SCAMP4: variants seen among roughly 807,000 people sequenced by gnomAD.
The protein encoded by SCAMP4 is secretory carrier-associated membrane protein 4.
Under a neutral mutation model 32.1 loss-of-function variants are expected in SCAMP4, and 19 were observed. The ratio of observed to expected loss-of-function variants is 0.59; its 90% CI spans 0.41 to 0.87. The LOEUF is 0.87. SCAMP4 is among the 40% of genes least tolerant of loss of function. SCAMP4 has a pLI of 0.00. For missense variants in SCAMP4, 302 were observed against 309.0 expected (o/e 0.98, Z 0.17); for synonymous variants, 152 against 132.7 (o/e 1.15, Z -1.00).
intron 5 of SCAMP4, chr19:1,920,477 C>A: frequency 1.4e-6 from 1 of 700,922 alleles, no homozygotes. Flanking sequence ...TCCAGGGTGG[C>A]TGGGATCTGT....
At chr19:1,922,671 T>C in intron 5 of SCAMP4, 1 of 989,134 alleles carries the variant, frequency 1.0e-6, no homozygotes. Context: ...GCTGGGTTCT[T>C]AGTAGCAGGC....
chr19:1,917,430 C>T (rs1395556550), intron 2 of SCAMP4, among the ~76,000 whole-genome samples: 11 of 152,206 alleles, frequency 7.2e-5, no homozygotes. Context: ...CTAGAGGCGC[C>T]CCCATCCCTC....
At chr19:1,919,118 G>A in intron 5 of SCAMP4, 128 bp downstream of exon 5, 1 of 1,497,938 alleles carries the variant, frequency 6.7e-7, no homozygotes, top group South Asian at 1.3e-5. Context: ...CTAGGGAGGG[G>A]TCTGAGCTCA....
rs763858621 is a variant in SCAMP4, at chr19:1,917,712, C to T, written c.26C>T (p.Pro9Leu). 7.4e-6 allele frequency: 12 copies of T among 1,614,004 alleles called. No homozygotes were observed. The highest frequency in any genetic ancestry group is 2.2e-5 in the South Asian group (2 of 91,076). MSEKENNF[P>L]PLPKFIPVKP... ...CCTACAGAAAAGGAGAACAACTTCCCGCCACTGCCCAAGTTCATCCCTGTG... is the reference window on the plus strand; with the variant it reads ...CCTACAGAAAAGGAGAACAACTTCCTGCCACTGCCCAAGTTCATCCCTGTG... The change falls in exon 3 of 7, where the codon CCG becomes CTG. Residue 9 changes from proline to leucine, a missense_variant. By Grantham distance (98) the Pro-to-Leu change is moderately conservative. Coordinates refer to ENST00000316097, the MANE Select transcript of SCAMP4 (RefSeq NM_079834.4).
intron 1 of SCAMP4, chr19:1,912,024 C>T: frequency 8.5e-6 from 12 of 1,417,352 alleles, no homozygotes; most frequent in East Asian, 2.7e-5. Flanking sequence ...CCCCGGCTCT[C>T]CCCCAGCCGC....
Position 1,924,466 on chromosome 19 carries a change from G to C in SCAMP4, c.*182G>C. 1.6e-6 allele frequency: 1 copy of C among 607,648 alleles called. No individual in the cohort carries two copies. Among genetic ancestry groups the C allele is most frequent in the South Asian group, 1.9e-5 (1 of 51,850 alleles). 37.6% of individuals were successfully genotyped at this position (607,648 alleles called of 1,614,324 possible). A position where few individuals can be genotyped will look rare whatever the true frequency, so the allele number is the denominator to read the frequency against. On this transcript the variant is annotated 3_prime_UTR_variant, in exon 7 of 7. Transcript: ENST00000316097. ...CACAGAACCCGTGTTCATCTCATCC[G>C]AGAGCGGAGTTCCTCACAAGCACTC... is the stretch of plus-strand genomic sequence containing the variant.
At chr19:1,913,439 CA>C in intron 1 of SCAMP4, 1 of 542,344 alleles carries the variant, frequency 1.8e-6, no homozygotes. Flanking sequence ...ATAAACAGCC[CA>C]AAACCAAGTG....
chr19:1,914,621 C>T (rs1208505830), intron 1 of SCAMP4: 1 of 345,968 alleles, frequency 2.9e-6, no homozygotes, highest in East Asian at 6.9e-5. Flanking sequence ...GCGATGGGGT[C>T]TTAGGCCCTG....
rs1216694932 is a variant in SCAMP4 at position 1,918,815 on chromosome 19, G to A, written c.294-74G>A. Reference sequence around the variant, plus strand: ...GCCTCCGCTCTCACCATCTCTGACTGGCCCGTTCCTCTCTAGGCGCGTCTG... The same window carrying A: ...GCCTCCGCTCTCACCATCTCTGACTAGCCCGTTCCTCTCTAGGCGCGTCTG... On this transcript the variant is annotated intron_variant, in intron 4 of 6. Coordinates refer to ENST00000316097, the MANE Select transcript of SCAMP4 (RefSeq NM_079834.4). The A allele has an allele frequency of 9.7e-6, 15 of 1,548,248 alleles. No individual in the cohort carries two copies. The East Asian group carries it at 2.9e-4, about 30-fold the overall frequency.
At chr19:1,911,640 G>C (rs1227518726) in intron 1 of SCAMP4, among the ~76,000 whole-genome samples, 1 of 152,124 alleles carries the variant, frequency 6.6e-6, no homozygotes, top group African/African-American at 2.4e-5. Context: ...AAAATTAGTC[G>C]GGCGTGGTGG....
intron 5 of SCAMP4, chr19:1,920,557 G>A (rs2013886946): frequency 1.1e-5 from 11 of 972,350 alleles, no homozygotes; most frequent in Non-Finnish European, 1.2e-5. Flanking sequence ...CCTGAGTGAC[G>A]TTGCCCCAGG....
intron 1 of SCAMP4, chr19:1,912,804 G>A (rs753780668): frequency 1.9e-6 from 3 of 1,578,578 alleles, no homozygotes; most frequent in South Asian, 2.2e-5. Context: ...GCGCGGCCAG[G>A]GCCGCGGCAC....
intron 5 of SCAMP4, chr19:1,922,398 C>A (rs1860085424): frequency 2.9e-6 from 2 of 686,606 alleles, no homozygotes; most frequent in Non-Finnish European, 3.6e-6. Flanking sequence ...TCATGCCTGG[C>A]TAATTTTTGT....
rs138152619 is a variant in SCAMP4 at position 1,924,839 on chromosome 19, G to A, written c.*555G>A. 2.3e-4 allele frequency: 39 copies of A among 171,418 alleles called. No homozygotes were observed. In the East Asian group the frequency reaches 4.8e-3, roughly 21 times the overall value. The allele number at this position is 171,418 out of a possible 1,614,324, so 10.6% of individuals were successfully genotyped here. ...GTCCTCGCTGTCCCCGCCATCCCCT[G>A]ATCTGTGCGGCTCCAGCCTCGCCCC... is the stretch of plus-strand genomic sequence containing the variant. On this transcript the variant is annotated 3_prime_UTR_variant, in exon 7 of 7. Transcript: ENST00000316097.
intron 2 of SCAMP4, among the ~76,000 whole-genome samples, chr19:1,915,873 G>C (rs898618161): frequency 6.6e-6 from 1 of 151,986 alleles, no homozygotes; most frequent in Non-Finnish European, 1.5e-5. Context: ...GTGAACCCGG[G>C]AGGCGGAGCT....
At chr19:1,910,575 CTTT>C (rs11350651) in intron 1 of SCAMP4, among the ~76,000 whole-genome samples, 18 of 95,072 alleles carry the variant, frequency 1.9e-4, no homozygotes, top group Admixed American at 2.2e-4. Context: ...TTTGAGGTGT[CTTT>C]TTTTTTTTTT....
intron 1 of SCAMP4, chr19:1,912,620 C>A: frequency 6.8e-7 from 1 of 1,464,742 alleles, no homozygotes; most frequent in Non-Finnish European, 9.0e-7. Flanking sequence ...CCATGCAGAG[C>A]CACATGGAGC....
chr19:1,911,648 T>C (rs766012643), intron 1 of SCAMP4, among the ~76,000 whole-genome samples: 36 of 152,106 alleles, frequency 2.4e-4, no homozygotes, highest in Non-Finnish European at 5.0e-4. Flanking sequence ...TCGGGCGTGG[T>C]GGCGCATGCC....
chr19:1,912,016 C>G (rs1048205973), intron 1 of SCAMP4: 1 of 1,419,664 alleles, frequency 7.0e-7, no homozygotes, highest in Non-Finnish European at 9.1e-7. Context: ...GACGGACTCC[C>G]CGGCTCTCCC....
Sources: gnomAD v4.1 joint callset for allele counts (sites outside exome capture counted in the v4.1 genomes callset) on GRCh38, gnomAD v4.1.1 for gene constraint, MANE v1.5 for transcripts, NCBI Gene and HGNC (gene_info 2026-07-23, HGNC 2026-07-21) for gene names.